NCOA2: variants seen among roughly 807,000 people sequenced by gnomAD.
NCOA2 encodes class E basic helix-loop-helix protein 75.
Under a neutral mutation model 145.1 loss-of-function variants are expected in NCOA2, and 21 were observed. That is an observed-to-expected ratio of 0.14 (90% CI 0.10 to 0.21). The LOEUF (loss-of-function observed/expected upper bound fraction) is 0.21. NCOA2 is among the 10% of genes least tolerant of loss of function. The probability of loss-of-function intolerance (pLI) is 1.00; values close to 1 mark genes in which losing one functional copy is unlikely to be tolerated. For missense variants in NCOA2, 1,472 were observed against 1,837.6 expected (o/e 0.80, Z 3.64); for synonymous variants, 619 against 637.5 (o/e 0.97, Z 0.44).
intron 1 of NCOA2, among the ~76,000 whole-genome samples, chr8:70,344,691 G>C (rs1256386942): frequency 2.0e-5 from 3 of 152,146 alleles, no homozygotes; most frequent in East Asian, 1.9e-4. Context: ...AAGCAGGACT[G>C]GGGGGAGTAA....
chr8:70,363,123 C>T (rs6472521), intron 1 of NCOA2, among the ~76,000 whole-genome samples: 3,881 of 149,586 alleles, frequency 0.026, 158 homozygotes, highest in African/African-American at 0.091. Context: ...GTGGCTCACA[C>T]CTGTAATCCC....
At chr8:70,150,006 C>T (rs1811565100) in intron 11 of NCOA2, among the ~76,000 whole-genome samples, 1 of 152,186 alleles carries the variant, frequency 6.6e-6, no homozygotes, top group Admixed American at 6.5e-5. Flanking sequence ...ATTTTTGCAA[C>T]TTACAGCAAA....
intron 2 of NCOA2, among the ~76,000 whole-genome samples, chr8:70,291,411 A>G (rs564055845): frequency 7.2e-4 from 110 of 152,348 alleles, no homozygotes; most frequent in African/African-American, 2.4e-3. Context: ...GGTCACACTT[A>G]GAAATTTTCA....
chr8:70,126,690 C>T, intron 19 of NCOA2, 123 bp downstream of exon 19: 1 of 857,826 alleles, frequency 1.2e-6, no homozygotes, highest in South Asian at 1.6e-5. Context: ...CCTATCATTC[C>T]CTGGTTAGCC....
At chr8:70,216,471 AAAG>A (rs1205724040) in intron 3 of NCOA2, among the ~76,000 whole-genome samples, 186 bp downstream of exon 3, 1 of 152,240 alleles carries the variant, frequency 6.6e-6, no homozygotes, top group Non-Finnish European at 1.5e-5. Flanking sequence ...CTCTTTTTGT[AAAG>A]AATACAATCT....
the NCOA2 span, among the ~76,000 whole-genome samples, chr8:70,415,731 T>C: frequency 6.6e-6 from 1 of 152,198 alleles, no homozygotes; most frequent in African/African-American, 2.4e-5. Flanking sequence ...TTTGCTAATT[T>C]TAACTTTGAG....
the NCOA2 span, among the ~76,000 whole-genome samples, chr8:70,452,766 C>T: frequency 6.7e-6 from 1 of 149,400 alleles, no homozygotes; most frequent in Non-Finnish European, 1.5e-5. Flanking sequence ...TCTAAAAGAC[C>T]CAAACAAAAA....
At chr8:70,370,691 C>T (rs924916841) in intron 1 of NCOA2, among the ~76,000 whole-genome samples, 5 of 151,296 alleles carry the variant, frequency 3.3e-5, no homozygotes, top group African/African-American at 1.2e-4. Context: ...CCTCCACGTA[C>T]GTTATTTATT....
At chr8:70,252,541 G>C (rs1290392665) in intron 2 of NCOA2, among the ~76,000 whole-genome samples, 1 of 152,198 alleles carries the variant, frequency 6.6e-6, no homozygotes, top group African/African-American at 2.4e-5. Context: ...GGGTTAACCA[G>C]ATTTGCTCTT....
chr8:70,374,471 CAAA>C (rs755097636), intron 1 of NCOA2, among the ~76,000 whole-genome samples: 8 of 96,696 alleles, frequency 8.3e-5, no homozygotes, highest in Non-Finnish European at 4.4e-5. Flanking sequence ...GACTCTGTCT[CAAA>C]AAAAAAAAAA....
At chr8:70,175,634 T>G (rs1814744811) in intron 4 of NCOA2, among the ~76,000 whole-genome samples, 1 of 152,224 alleles carries the variant, frequency 6.6e-6, no homozygotes. Flanking sequence ...AGATGCACAC[T>G]TATCAACGTA....
At chr8:70,376,174 A>G (rs1045519045) in intron 1 of NCOA2, among the ~76,000 whole-genome samples, 1 of 152,212 alleles carries the variant, frequency 6.6e-6, no homozygotes, top group African/African-American at 2.4e-5. Flanking sequence ...CAAATACAAA[A>G]TGCAGTGGCA....
At chr8:70,366,141 C>T (rs1294672277) in intron 1 of NCOA2, among the ~76,000 whole-genome samples, 3 of 152,196 alleles carry the variant, frequency 2.0e-5, no homozygotes, top group African/African-American at 2.4e-5. Flanking sequence ...AGACCAATTT[C>T]GGGCACCCAA....
At chr8:70,124,144 C>G in intron 20 of NCOA2, 62 bp from the exon 21 acceptor site, 1 of 1,491,836 alleles carries the variant, frequency 6.7e-7, no homozygotes, top group East Asian at 2.3e-5. Flanking sequence ...AGGCAGGCAG[C>G]TCAGGGCACT....
rs748905160 is a variant in NCOA2, at chr8:70,141,409, A to C, written c.2813-10T>G. The C allele has an allele frequency of 6.2e-7, 1 of 1,611,812 alleles. No individual in the cohort carries two copies. The highest frequency in any genetic ancestry group is 1.1e-5 in the South Asian group (1 of 90,750). ...CTGTTACCAATCATTCCTGCATGCA[A>C]GCCAAAGAAAACTGAGAGATGCAGT... On this transcript the variant is annotated splice_polypyrimidine_tract_variant and intron_variant, in intron 13 of 22. Transcript: ENST00000452400.
chr8:70,309,496 A>G (rs1330269760), intron 1 of NCOA2, among the ~76,000 whole-genome samples: 1 of 152,210 alleles, frequency 6.6e-6, no homozygotes, highest in Non-Finnish European at 1.5e-5. Flanking sequence ...AAAGATTTAT[A>G]TACAAGGGAT....
chr8:70,335,155 A>AAAAAAAAAAAAAAT (rs774576238), intron 1 of NCOA2, among the ~76,000 whole-genome samples: 4 of 115,354 alleles, frequency 3.5e-5, no homozygotes, highest in East Asian at 5.4e-4. Context: ...AAAAAAAAAG[A>AAAAAAAAAAAAAAT]TCTCTCCCTA....
chr8:70,278,932 C>G (rs571391686), intron 2 of NCOA2, among the ~76,000 whole-genome samples: 1 of 151,648 alleles, frequency 6.6e-6, no homozygotes, highest in Admixed American at 6.6e-5. Context: ...TGCCACTGCA[C>G]TCCAGCCTGG....
At chr8:70,316,942 C>T (rs903397286) in intron 1 of NCOA2, among the ~76,000 whole-genome samples, 4 of 152,116 alleles carry the variant, frequency 2.6e-5, no homozygotes, top group African/African-American at 9.7e-5. Flanking sequence ...CCCTGTCTTC[C>T]TCACACTGTT....
Sources: allele counts gnomAD v4.1 joint callset (sites outside exome capture counted in the v4.1 genomes callset), GRCh38; gene constraint gnomAD v4.1.1; transcripts MANE v1.5; gene names NCBI Gene and HGNC (gene_info 2026-07-23, HGNC 2026-07-21).